Variants in ANKRD12 observed in about 807,000 individuals in gnomAD.
ANKRD12 encodes ankyrin repeat domain 12.
In ANKRD12, 85 loss-of-function variants were observed where a neutral mutation model predicts 183.4. The observed-to-expected ratio is 0.46, with a 90% CI of 0.39 to 0.56. The LOEUF is 0.56. Among genes scored for constraint, ANKRD12 ranks in the 20% least tolerant of loss-of-function variants. ANKRD12 has a pLI of 0.00. For synonymous variants in ANKRD12, 914 were observed against 800.2 expected (o/e 1.14, Z -2.40); for missense variants, 2,405 against 2,357.1 (o/e 1.02, Z -0.42).
chr18:9,194,991 A>G (rs2034687983), intron 2 of ANKRD12, among the ~76,000 whole-genome samples: 1 of 152,242 alleles, frequency 6.6e-6, no homozygotes, highest in African/African-American at 2.4e-5. Flanking sequence ...ACCATGGAAC[A>G]CTATGCAGCC....
chr18:9,253,157 A>G (rs72939231), intron 8 of ANKRD12, among the ~76,000 whole-genome samples: 11,239 of 152,242 alleles, frequency 0.074, 430 homozygotes, highest in African/African-American at 0.083. Flanking sequence ...TGTGTAAAAA[A>G]CCAAGGTAAT....
chr18:9,243,651 T>C (rs1048902224), intron 8 of ANKRD12, among the ~76,000 whole-genome samples: 2 of 152,186 alleles, frequency 1.3e-5, no homozygotes, highest in African/African-American at 4.8e-5. Flanking sequence ...AATATATGAT[T>C]ACTAAAGTAA....
chr18:9,216,139 G>A (rs562882248), intron 6 of ANKRD12, among the ~76,000 whole-genome samples: 9 of 151,424 alleles, frequency 5.9e-5, no homozygotes, highest in Admixed American at 2.6e-4. Flanking sequence ...AAGCAAAAAA[G>A]TGAGACACAA....
At chr18:9,234,331 C>T (rs1285314502) in intron 8 of ANKRD12, among the ~76,000 whole-genome samples, 2 of 152,158 alleles carry the variant, frequency 1.3e-5, no homozygotes, top group Non-Finnish European at 2.9e-5. Flanking sequence ...GCTGCTCCAC[C>T]AGTGGCGGGG....
chr18:9,227,364 T>C (rs1377178084), intron 8 of ANKRD12, among the ~76,000 whole-genome samples: 3 of 152,196 alleles, frequency 2.0e-5, no homozygotes, highest in African/African-American at 7.2e-5. Context: ...AAATAGCAGT[T>C]ATCATTCCCA....
intron 10 of ANKRD12, among the ~76,000 whole-genome samples, chr18:9,268,700 G>T (rs571648250): frequency 4.7e-4 from 72 of 152,280 alleles, no homozygotes; most frequent in African/African-American, 1.6e-3. Flanking sequence ...CATTCCCTTT[G>T]AAAACTGGCA....
At chr18:9,233,436 G>C (rs955856507) in intron 8 of ANKRD12, among the ~76,000 whole-genome samples, 1 of 151,824 alleles carries the variant, frequency 6.6e-6, no homozygotes, top group Non-Finnish European at 1.5e-5. Flanking sequence ...TTTTGATTGG[G>C]ATCTGTTGCT....
intron 12 of ANKRD12, among the ~76,000 whole-genome samples, chr18:9,280,703 C>T (rs1383487667): frequency 1.3e-5 from 2 of 152,084 alleles, no homozygotes; most frequent in South Asian, 2.1e-4. Context: ...GCAGGAGACT[C>T]GCTTGAACCC....
At chr18:9,279,671 A>G (rs1357279620) in intron 12 of ANKRD12, 27 bp downstream of exon 12, 2 of 1,327,386 alleles carry the variant, frequency 1.5e-6, no homozygotes, top group Non-Finnish European at 2.1e-6. Context: ...GTCAGTTTAA[A>G]TGAATGCTTC....
In ANKRD12 at chr18:9,257,722, T is replaced by C; in HGVS notation, c.4455T>C (p.Phe1485=). The C allele has an allele frequency of 1.2e-6, 2 of 1,614,064 alleles. No individual in the cohort carries two copies. Among genetic ancestry groups the C allele is most frequent in the Non-Finnish European group, 8.5e-7 (1 of 1,179,966 alleles). Residue 1485 remains phenylalanine (F), a synonymous_variant, in exon 9 of 13, where the codon TTT becomes TTC. Transcript: ENST00000262126. ...GNSCAQDPAS[F]MPPQQPCSFP... ...CTTGTGCTCAGGATCCGGCATCCTT[T>C]ATGCCTCCACAGCAGCCTTGCTCTT...
chr18:9,188,929 TG>T (rs149281092), intron 2 of ANKRD12, among the ~76,000 whole-genome samples: 3,199 of 152,234 alleles, frequency 0.021, 112 homozygotes, highest in African/African-American at 0.073. Flanking sequence ...TGTGTTTCAG[TG>T]GTCTCTAAGT....
At chr18:9,149,457 TG>T (rs1349996520) in intron 1 of ANKRD12, among the ~76,000 whole-genome samples, 3 of 152,166 alleles carry the variant, frequency 2.0e-5, no homozygotes, top group African/African-American at 7.2e-5. Flanking sequence ...AAGCGATGGT[TG>T]GGGGAGATAA....
chr18:9,230,191 T>A (rs1391354295), intron 8 of ANKRD12, among the ~76,000 whole-genome samples: 1 of 152,238 alleles, frequency 6.6e-6, no homozygotes, highest in African/African-American at 2.4e-5. Context: ...GATTTTCTGT[T>A]ACTTTCTGGT....
Position 9,239,410 on chromosome 18 carries a change from G to C in ANKRD12, c.944-14801G>C, listed in dbSNP as rs1000302590. 4.4e-6 allele frequency: 3 copies of C among 683,106 alleles called. No homozygotes were observed. The African/African-American group carries it at 5.6e-5, about 13-fold the overall frequency. 42.3% of individuals were successfully genotyped at this position (683,106 alleles called of 1,614,324 possible). A position where few individuals can be genotyped will look rare whatever the true frequency, so the allele number is the denominator to read the frequency against. The stretch of plus-strand genomic sequence containing the variant: ...TAATTAGTGCAGAACACACCTTCTA[G>C]AACCTTTTTGATTTTCACTGATCTT... On this transcript the variant is annotated intron_variant, in intron 8 of 12. Transcript: ENST00000262126.
chr18:9,238,511 ATCAT>A (rs2037474844), intron 8 of ANKRD12, among the ~76,000 whole-genome samples: 1 of 152,206 alleles, frequency 6.6e-6, no homozygotes, highest in African/African-American at 2.4e-5. Context: ...TTAGTGTAAC[ATCAT>A]TCATCTGCAC....
At chr18:9,211,487 G>A (rs901917085) in intron 5 of ANKRD12, 97 bp from the exon 6 acceptor site, 3 of 1,109,056 alleles carry the variant, frequency 2.7e-6, no homozygotes, top group Non-Finnish European at 3.9e-6. Flanking sequence ...GGCATTCCTT[G>A]TGTTTCAGGA....
chr18:9,203,436 C>T (rs561066956), intron 3 of ANKRD12, among the ~76,000 whole-genome samples: 1 of 151,980 alleles, frequency 6.6e-6, no homozygotes. Context: ...ATATGAAGAA[C>T]ACAATAATAT....
chr18:9,178,107 T>C (rs868498244), intron 1 of ANKRD12, among the ~76,000 whole-genome samples: 1 of 152,270 alleles, frequency 6.6e-6, no homozygotes, highest in South Asian at 2.1e-4. Flanking sequence ...CAGGGTAATT[T>C]AAAGAGCAGA....
intron 6 of ANKRD12, 59 bp downstream of exon 6, chr18:9,211,843 T>C (rs2035820161): frequency 1.5e-6 from 2 of 1,336,862 alleles, no homozygotes; most frequent in Non-Finnish European, 2.1e-6. Flanking sequence ...AGATCCTGGT[T>C]ACAATTTAAT....
Sources: gnomAD v4.1 joint callset for allele counts (sites outside exome capture counted in the v4.1 genomes callset) on GRCh38, gnomAD v4.1.1 for gene constraint, MANE v1.5 for transcripts, NCBI Gene and HGNC (gene_info 2026-07-23, HGNC 2026-07-21) for gene names.